The following TNRC6A variants were observed in gnomAD, a reference collection of about 807,000 sequenced individuals.
The protein encoded by TNRC6A is trinucleotide repeat containing adaptor 6A, also known as trinucleotide repeat-containing gene 6A protein.
A neutral mutation model predicts 221.2 loss-of-function variants in TNRC6A; 44 were observed. That is an observed-to-expected ratio of 0.20 (90% CI 0.16 to 0.26). TNRC6A has a LOEUF of 0.26. TNRC6A is among the 10% of genes least tolerant of loss of function. The pLI, the probability that TNRC6A is intolerant of heterozygous loss-of-function variation, is 1.00. For synonymous variants in TNRC6A, 847 were observed against 838.5 expected (o/e 1.01, Z -0.18); for missense variants, 2,199 against 2,404.4 (o/e 0.91, Z 1.79).
intron 8 of TNRC6A, 53 bp downstream of exon 8, chr16:24,794,772 AC>A: frequency 6.5e-7 from 1 of 1,543,836 alleles, no homozygotes; most frequent in Non-Finnish European, 8.7e-7. Flanking sequence ...AAGGTAGTTT[AC>A]CCACAGAAAA....
chr16:24,785,479 G>C (rs569120017), intron 5 of TNRC6A, among the ~76,000 whole-genome samples: 10 of 152,068 alleles, frequency 6.6e-5, no homozygotes, highest in Non-Finnish European at 1.5e-4. Context: ...TAATGATTAA[G>C]ATCTTTTCCC....
intron 3 of TNRC6A, among the ~76,000 whole-genome samples, chr16:24,754,350 C>G (rs1382458467): frequency 6.6e-6 from 1 of 151,994 alleles, no homozygotes; most frequent in African/African-American, 2.4e-5. Flanking sequence ...ACATTAAAAA[C>G]AGGGTGATTT....
intron 1 of TNRC6A, among the ~76,000 whole-genome samples, chr16:24,616,588 T>C: frequency 6.6e-6 from 1 of 152,186 alleles, no homozygotes; most frequent in Non-Finnish European, 1.5e-5. Context: ...GAGACTCTTT[T>C]TGACCCAGCA....
intron 11 of TNRC6A, among the ~76,000 whole-genome samples, chr16:24,803,098 A>G (rs2058361291): frequency 6.6e-6 from 1 of 152,174 alleles, no homozygotes; most frequent in African/African-American, 2.4e-5. Context: ...ATAACAGTAG[A>G]GTTACAAACA....
Position 24,823,873 on chromosome 16 carries a change from C to A in TNRC6A, c.*66C>A. On this transcript the variant is annotated 3_prime_UTR_variant, in exon 25 of 25. Transcript: ENST00000395799. This position sits in a 1 kb window ranked among gnomAD's most constrained non-coding sequence, Gnocchi z 4.3. ...AGGGAAAGGAGCACTAAGTGGGGCTCGCCGCCTGCAGCCAGGGGCCGCCTG... is the reference window on the plus strand; with the variant it reads ...AGGGAAAGGAGCACTAAGTGGGGCTAGCCGCCTGCAGCCAGGGGCCGCCTG... 7.4e-7 allele frequency: 1 copy of A among 1,360,270 alleles called. No individual in the cohort carries two copies. The allele number at this position is 1,360,270 out of a possible 1,614,324, so 84.3% of individuals were successfully genotyped here.
At chr16:24,689,227 C>G (rs2055701472) in intron 2 of TNRC6A, among the ~76,000 whole-genome samples, 1 of 152,214 alleles carries the variant, frequency 6.6e-6, no homozygotes, top group South Asian at 2.1e-4. Flanking sequence ...TACTAACCAT[C>G]AAGCTGCAAC....
rs141990413 is a variant in TNRC6A at position 24,825,630 on chromosome 16, A to G, written c.*1823A>G. The G allele has an allele frequency of 1.4e-4, 21 of 152,794 alleles. No individual in the cohort carries two copies. The East Asian group carries it at 2.5e-3, about 18-fold the overall frequency. 9.5% of individuals were successfully genotyped at this position (152,794 alleles called of 1,614,324 possible). A position where few individuals can be genotyped will look rare whatever the true frequency, so the allele number is the denominator to read the frequency against. Reference sequence around the variant, plus strand: ...TTCACCCTGAAATAATGTGAGAACAATGGGAAACTGTAGCTTGCTCCTTCC... The same window carrying G: ...TTCACCCTGAAATAATGTGAGAACAGTGGGAAACTGTAGCTTGCTCCTTCC... On this transcript the variant is annotated 3_prime_UTR_variant, in exon 25 of 25. Transcript: ENST00000395799.
intron 2 of TNRC6A, among the ~76,000 whole-genome samples, chr16:24,719,360 C>CA (rs2056371036): frequency 1.3e-5 from 2 of 152,128 alleles, no homozygotes; most frequent in South Asian, 2.1e-4. Flanking sequence ...CCTATCTCTA[C>CA]AAAAAATTTT....
At position 24,751,288 on chromosome 16, in the gene TNRC6A, G is replaced by A. The variant is rs142016453; in HGVS notation, c.141+475G>A. On this transcript the variant is annotated intron_variant, in intron 3 of 24. Coordinates refer to ENST00000395799, the MANE Select transcript of TNRC6A (RefSeq NM_014494.4). ...TGTAATACAGAAATAGAGTATTAAA[G>A]GAAAATGTAATAGACATAATAGGAA... Among the ~76,000 whole-genome samples the A allele has an allele frequency of 3.5e-3, 530 of 152,122 alleles. 2 individuals are homozygous for A. Among genetic ancestry groups the A allele is most frequent in the Admixed American group, 6.0e-3 (92 of 15,282 alleles).
At chr16:24,764,510 A>G (rs762920752) in intron 4 of TNRC6A, among the ~76,000 whole-genome samples, 1 of 151,842 alleles carries the variant, frequency 6.6e-6, no homozygotes, top group African/African-American at 2.4e-5. Flanking sequence ...TTTAGTAGAG[A>G]CGGGGTTTCA....
chr16:24,757,229 C>A (rs1438244683), intron 3 of TNRC6A, among the ~76,000 whole-genome samples: 1 of 152,034 alleles, frequency 6.6e-6, no homozygotes, highest in Non-Finnish European at 1.5e-5. Context: ...AAAGCACTTA[C>A]GTGGTGGAGC....
At chr16:24,625,737 CAAAAAAAAAAA>C (rs749882396) in intron 1 of TNRC6A, among the ~76,000 whole-genome samples, 125 of 24,040 alleles carry the variant, frequency 5.2e-3, no homozygotes, top group African/African-American at 0.017. Flanking sequence ...CGTCTCAAAA[CAAAAAAAAAAA>C]AAAAAAAAAA....
chr16:24,740,174 C>G (rs1180315691), intron 2 of TNRC6A, among the ~76,000 whole-genome samples: 1 of 152,190 alleles, frequency 6.6e-6, no homozygotes, highest in Non-Finnish European at 1.5e-5. Flanking sequence ...GTCTTGATTA[C>G]TTCAGCTTTG....
intron 2 of TNRC6A, among the ~76,000 whole-genome samples, chr16:24,692,459 A>T (rs2142139719): frequency 6.6e-6 from 1 of 152,162 alleles, no homozygotes; most frequent in Non-Finnish European, 1.5e-5. Flanking sequence ...AGTCCCAGCT[A>T]CTCAGGAGGC....
At chr16:24,765,843 T>A (rs911124221) in intron 4 of TNRC6A, among the ~76,000 whole-genome samples, 53 of 152,228 alleles carry the variant, frequency 3.5e-4, no homozygotes, top group African/African-American at 1.3e-3. Context: ...AGGAAAATGA[T>A]TTCCATAGAT....
intron 17 of TNRC6A, among the ~76,000 whole-genome samples, chr16:24,807,400 T>G (rs2058456376): frequency 6.6e-6 from 1 of 152,178 alleles, no homozygotes; most frequent in Admixed American, 6.5e-5. Flanking sequence ...TGTCTTAATC[T>G]TAAGTAGGAT....
rs71156440 is a variant in TNRC6A at position 24,812,019 on chromosome 16, A to ATTTTTTT, written c.4672+2579_4672+2585dup. On this transcript the variant is annotated intron_variant, in intron 18 of 24. Coordinates refer to ENST00000395799, the MANE Select transcript of TNRC6A (RefSeq NM_014494.4). ...CCGTTCAGGGGAATGTCACTTTGGG[A>ATTTTTTT]TTTTTTTTTTTTTTTTTTTTTTTTT... is the stretch of plus-strand genomic sequence containing the variant. Among the ~76,000 whole-genome samples the ATTTTTTT allele has an allele frequency of 1.0e-3, 42 of 40,854 alleles. 12 individuals carry two copies. Among genetic ancestry groups the ATTTTTTT allele is most frequent in the Non-Finnish European group, 1.1e-3 (25 of 23,660 alleles). The allele number at this position is 40,854 out of a possible 152,430, so 26.8% of individuals were successfully genotyped here.
At chr16:24,611,311 T>C (rs1469914400) in intron 1 of TNRC6A, among the ~76,000 whole-genome samples, 1 of 152,210 alleles carries the variant, frequency 6.6e-6, no homozygotes, top group Non-Finnish European at 1.5e-5. Context: ...CTTTTTTCAC[T>C]AAGACAGTGT....
At chr16:24,798,167 A>G (rs965940935) in intron 11 of TNRC6A, 4 of 406,246 alleles carry the variant, frequency 9.8e-6, no homozygotes, top group African/African-American at 8.1e-5. Context: ...TATTAGTCTG[A>G]TTACTTTACA....
Sources: gnomAD v4.1 joint callset for allele counts (sites outside exome capture counted in the v4.1 genomes callset) on GRCh38, gnomAD v4.1.1 for gene constraint, Gnocchi (gnomAD v3.1) non-coding constraint, MANE v1.5 for transcripts, NCBI Gene and HGNC (gene_info 2026-07-23, HGNC 2026-07-21) for gene names.